The following FGF7 variants were observed in gnomAD, a reference collection of about 807,000 sequenced individuals.
FGF7 encodes the protein FGF-7.
Under a neutral mutation model 20.5 loss-of-function variants are expected in FGF7, and 6 were observed. The observed-to-expected ratio is 0.29, with a 90% CI of 0.16 to 0.58. FGF7 has a LOEUF of 0.58. Among genes scored for constraint, FGF7 ranks in the 20% least tolerant of loss-of-function variants. The pLI, the probability that FGF7 is intolerant of heterozygous loss-of-function variation, is 0.90. For missense variants in FGF7, 144 were observed against 228.8 expected (o/e 0.63, Z 2.39); for synonymous variants, 64 against 74.7 (o/e 0.86, Z 0.74).
chr15:49,459,412 T>C (rs556807602), intron 2 of FGF7, among the ~76,000 whole-genome samples: 2 of 152,334 alleles, frequency 1.3e-5, no homozygotes, highest in East Asian at 3.8e-4. Flanking sequence ...AACCTCCTAG[T>C]CCATGTGTTG....
rs2056527997 is a variant in FGF7, at chr15:49,487,798, G to T, written c.*3294G>T. ...TTGCATCTTACTCCATAATATATTT[G>T]TGGTTGCGTTAATATGACAATGTCT... On this transcript the variant is annotated 3_prime_UTR_variant, in exon 4 of 4. Transcript: ENST00000267843. The T allele has an allele frequency of 6.6e-6, 1 of 151,868 alleles. No individual in the cohort carries two copies. Among genetic ancestry groups the T allele is most frequent in the South Asian group, 2.1e-4 (1 of 4,830 alleles). The allele number at this position is 151,868 out of a possible 1,614,324, so 9.4% of individuals were successfully genotyped here.
intron 2 of FGF7, among the ~76,000 whole-genome samples, chr15:49,439,429 TG>T (rs1004861489): frequency 1.7e-4 from 26 of 151,696 alleles, no homozygotes; most frequent in African/African-American, 5.3e-4. Context: ...TAGTAAAACG[TG>T]GGGGGAGGGA....
chr15:49,487,706 A>G lies in FGF7; in HGVS notation c.*3202A>G, dbSNP rs557452212. ...TAGTAGAGGTGTAAAATAAGAAGTTAGAGAATAATGCAAAGGGGGCCCACC... is the reference window on the plus strand; with the variant it reads ...TAGTAGAGGTGTAAAATAAGAAGTTGGAGAATAATGCAAAGGGGGCCCACC... On this transcript the variant is annotated 3_prime_UTR_variant, in exon 4 of 4. Coordinates refer to ENST00000267843, the MANE Select transcript of FGF7 (RefSeq NM_002009.4). 6.6e-6 allele frequency: 1 copy of G among 152,110 alleles called. No individual in the cohort carries two copies. Among genetic ancestry groups the G allele is most frequent in the East Asian group, 1.9e-4 (1 of 5,184 alleles). 9.4% of individuals were successfully genotyped at this position (152,110 alleles called of 1,614,324 possible). A position where few individuals can be genotyped will look rare whatever the true frequency, so the allele number is the denominator to read the frequency against.
chr15:49,454,718 TC>T (rs1160179334), intron 2 of FGF7, among the ~76,000 whole-genome samples: 2 of 152,208 alleles, frequency 1.3e-5, no homozygotes, highest in Non-Finnish European at 2.9e-5. Context: ...CAAGCGATTC[TC>T]CTGCCTCAGC....
chr15:49,466,390 A>G (rs746367135), intron 2 of FGF7, among the ~76,000 whole-genome samples: 2 of 152,222 alleles, frequency 1.3e-5, no homozygotes, highest in Non-Finnish European at 2.9e-5. Flanking sequence ...TGGGAGAGGA[A>G]GACAATTAGT....
At chr15:49,426,185 T>C (rs1239046511) in intron 2 of FGF7, among the ~76,000 whole-genome samples, 2 of 151,894 alleles carry the variant, frequency 1.3e-5, no homozygotes, top group African/African-American at 4.8e-5. Flanking sequence ...CAATTTTTCA[T>C]CTATAAAATG....
In FGF7 at chr15:49,424,274, G is replaced by T; in HGVS notation, c.-24G>T. ...GATTCATTTTCATTATGTTATTCAT[G>T]AACACCCGGAGCACTACACTATAAT... On this transcript the variant is annotated 5_prime_UTR_variant, in exon 2 of 4. It removes an upstream start codon present in the reference 5' UTR. Coordinates refer to ENST00000267843, the MANE Select transcript of FGF7 (RefSeq NM_002009.4). 6.3e-7 allele frequency: 1 copy of T among 1,592,768 alleles called. No individual in the cohort carries two copies. The highest frequency in any genetic ancestry group is 1.1e-5 in the South Asian group (1 of 88,750).
At chr15:49,441,213 C>A (rs541009626) in intron 2 of FGF7, among the ~76,000 whole-genome samples, 2 of 151,754 alleles carry the variant, frequency 1.3e-5, no homozygotes, top group Non-Finnish European at 3.0e-5. Context: ...CCTCACCAAA[C>A]AATACTGCCA....
chr15:49,428,092 T>C (rs573735414), intron 2 of FGF7, among the ~76,000 whole-genome samples: 1 of 151,960 alleles, frequency 6.6e-6, no homozygotes, highest in South Asian at 2.1e-4. Context: ...ATAAGAACTA[T>C]GAAGATGGGG....
intron 2 of FGF7, among the ~76,000 whole-genome samples, chr15:49,427,290 T>G (rs2050211984): frequency 6.6e-6 from 1 of 152,054 alleles, no homozygotes; most frequent in Admixed American, 6.6e-5. Context: ...TTTACATTCC[T>G]CAATCATTAA....
intron 2 of FGF7, among the ~76,000 whole-genome samples, chr15:49,439,208 C>A (rs370426068): frequency 2.6e-5 from 4 of 151,312 alleles, no homozygotes; most frequent in African/African-American, 9.7e-5. Flanking sequence ...GTGGGCCTCT[C>A]GACAGGCTTC....
chr15:49,429,524 C>T (rs2050410315), intron 2 of FGF7, among the ~76,000 whole-genome samples: 1 of 151,838 alleles, frequency 6.6e-6, no homozygotes, highest in South Asian at 2.1e-4. Flanking sequence ...ACTCTTTAAC[C>T]TACAGTTCTA....
intron 2 of FGF7, among the ~76,000 whole-genome samples, chr15:49,440,378 A>G (rs1024305248): frequency 6.6e-6 from 1 of 151,730 alleles, no homozygotes; most frequent in African/African-American, 2.4e-5. Flanking sequence ...GCTCCAAAGT[A>G]TTTATAGTGA....
intron 2 of FGF7, among the ~76,000 whole-genome samples, chr15:49,448,117 GCTC>G (rs1281129865): frequency 2.0e-5 from 3 of 151,678 alleles, no homozygotes; most frequent in Non-Finnish European, 3.0e-5. Flanking sequence ...AACATATTAT[GCTC>G]CTATTTACAT....
intron 2 of FGF7, among the ~76,000 whole-genome samples, chr15:49,430,222 G>T (rs1465056406): frequency 6.6e-6 from 1 of 151,908 alleles, no homozygotes; most frequent in East Asian, 1.9e-4. Flanking sequence ...TAGCTGCAGG[G>T]AAGAATAGGT....
chr15:49,444,249 G>A (rs1342669945), intron 2 of FGF7, among the ~76,000 whole-genome samples: 1 of 151,606 alleles, frequency 6.6e-6, no homozygotes, highest in African/African-American at 2.4e-5. Context: ...ATGAAAAAAC[G>A]GAGAATGGAA....
intron 2 of FGF7, among the ~76,000 whole-genome samples, chr15:49,437,625 G>A (rs2051227641): frequency 6.6e-6 from 1 of 151,624 alleles, no homozygotes; most frequent in South Asian, 2.1e-4. Flanking sequence ...GGTTCTTTCA[G>A]TGTCTTAAGA....
In FGF7 at chr15:49,453,014, A is replaced by G. The variant is rs954021615; in HGVS notation, c.286+28431A>G. 5.9e-5 allele frequency among the ~76,000 whole-genome samples: 9 copies of G among 152,272 alleles called. 1 individual carries two copies. The highest frequency in any genetic ancestry group is 2.2e-4 in the African/African-American group (9 of 41,572). On this transcript the variant is annotated intron_variant, in intron 2 of 3. Transcript: ENST00000267843. ...CAAAATTACTCTAGTTAAAAATTGTACTGCTAATATAATAATCACTTTTCT... is the reference window on the plus strand; with the variant it reads ...CAAAATTACTCTAGTTAAAAATTGTGCTGCTAATATAATAATCACTTTTCT...
intron 2 of FGF7, among the ~76,000 whole-genome samples, chr15:49,472,070 G>A (rs1382457644): frequency 6.6e-6 from 1 of 150,510 alleles, no homozygotes; most frequent in South Asian, 2.1e-4. Context: ...TAACAACAGT[G>A]TTGAAAATAA....
Sources: gnomAD v4.1 joint callset for allele counts (sites outside exome capture counted in the v4.1 genomes callset) on GRCh38, gnomAD v4.1.1 for gene constraint, MANE v1.5 for transcripts, NCBI Gene and HGNC (gene_info 2026-07-23, HGNC 2026-07-21) for gene names.